PTPRK: variants seen among roughly 807,000 people sequenced by gnomAD.
PTPRK encodes protein tyrosine phosphatase receptor type K.
In PTPRK, 75 loss-of-function variants were observed where a neutral mutation model predicts 178.0. The ratio of observed to expected loss-of-function variants is 0.42; its 90% CI spans 0.35 to 0.51. The LOEUF (loss-of-function observed/expected upper bound fraction) is 0.51, where lower values mean the gene tolerates loss of function less well. Ranked by LOEUF, PTPRK falls within the 20% of genes least tolerant of loss-of-function variation. The pLI, the probability that PTPRK is intolerant of heterozygous loss-of-function variation, is 0.02. For missense variants in PTPRK, 1,441 were observed against 1,797.8 expected, an observed-to-expected ratio of 0.80 and a Z score of 3.59; for synonymous variants, 637 against 620.6, an observed-to-expected ratio of 1.03 and a Z score of -0.39.
intron 7 of PTPRK, among the ~76,000 whole-genome samples, chr6:128,176,532 A>G (rs897904051): frequency 6.6e-6 from 1 of 151,844 alleles, no homozygotes; most frequent in Non-Finnish European, 1.5e-5. Flanking sequence ...AGGGTGACAT[A>G]AAAGGCATGA....
chr6:128,438,610 G>GGGGAT (rs1845911561), intron 1 of PTPRK, among the ~76,000 whole-genome samples: 8 of 152,062 alleles, frequency 5.3e-5, no homozygotes, highest in Admixed American at 5.2e-4. Flanking sequence ...AAGAGCTGTT[G>GGGGAT]TGCACCTCAG....
At chr6:128,380,986 A>G (rs1257838140) in intron 2 of PTPRK, among the ~76,000 whole-genome samples, 1 of 152,186 alleles carries the variant, frequency 6.6e-6, no homozygotes. Flanking sequence ...AAACTCTATC[A>G]GACAGTTTTA....
chr6:128,366,461 T>C (rs1293168863), intron 2 of PTPRK, among the ~76,000 whole-genome samples: 1 of 152,116 alleles, frequency 6.6e-6, no homozygotes, highest in African/African-American at 2.4e-5. Flanking sequence ...CTTCTTATAC[T>C]AACAAAAACA....
At chr6:127,991,512 T>A (rs1776603344) in intron 19 of PTPRK, 121 bp from the exon 20 acceptor site, 1 of 571,874 alleles carries the variant, frequency 1.7e-6, no homozygotes, top group Non-Finnish European at 2.8e-6. Context: ...ACACAAAATG[T>A]CACTGAAAAT....
chr6:128,055,506 A>G (rs1779735578), intron 13 of PTPRK, among the ~76,000 whole-genome samples: 1 of 151,480 alleles, frequency 6.6e-6, no homozygotes, highest in Non-Finnish European at 1.5e-5. Context: ...TCATTTATAC[A>G]TTTTTTTTCT....
chr6:128,339,173 AG>A (rs1349043966), intron 2 of PTPRK, among the ~76,000 whole-genome samples: 1 of 152,174 alleles, frequency 6.6e-6, no homozygotes, highest in Non-Finnish European at 1.5e-5. Context: ...ACAGAGGACA[AG>A]GGAAATAAAA....
intron 3 of PTPRK, among the ~76,000 whole-genome samples, chr6:128,296,197 C>G (rs1324341837): frequency 6.6e-6 from 1 of 152,088 alleles, no homozygotes; most frequent in Non-Finnish European, 1.5e-5. Context: ...AACCCATGGA[C>G]AGGCATGCTT....
intron 1 of PTPRK, chr6:128,491,940 C>T (rs17460940): frequency 0.15 from 64,388 of 436,018 alleles, 5,630 homozygotes; most frequent in Non-Finnish European, 0.2. Context: ...AATTGATTCA[C>T]TACTGTTCAC....
At chr6:128,435,159 AGGCAGGCAGGCT>A (rs1845429629) in intron 1 of PTPRK, among the ~76,000 whole-genome samples, 1 of 150,704 alleles carries the variant, frequency 6.6e-6, no homozygotes, top group African/African-American at 2.5e-5. Context: ...GCAGGCAGGC[AGGCAGGCAGGCT>A]GGCTTAGATA....
intron 16 of PTPRK, 130 bp from the exon 17 acceptor site, chr6:127,997,118 G>C (rs1446958462): frequency 2.3e-6 from 2 of 875,126 alleles, no homozygotes; most frequent in East Asian, 5.6e-5. Context: ...TAGTAAACAA[G>C]TTTCATTCTC....
At chr6:128,150,071 T>C (rs1797041714) in intron 7 of PTPRK, among the ~76,000 whole-genome samples, 1 of 152,168 alleles carries the variant, frequency 6.6e-6, no homozygotes, top group Non-Finnish European at 1.5e-5. Flanking sequence ...CAATGTAGTC[T>C]TAAGACATTC....
chr6:128,512,798 T>C (rs1214316758), intron 1 of PTPRK, among the ~76,000 whole-genome samples: 2 of 152,242 alleles, frequency 1.3e-5, no homozygotes, highest in African/African-American at 4.8e-5. Context: ...TTATATTTAA[T>C]GCATTCTACC....
At chr6:128,451,622 AT>A (rs1435239650) in intron 1 of PTPRK, among the ~76,000 whole-genome samples, 1 of 151,912 alleles carries the variant, frequency 6.6e-6, no homozygotes, top group Non-Finnish European at 1.5e-5. Context: ...GCCTCGGTAA[AT>A]TTTTTTTGTT....
chr6:128,518,329 C>G (rs981205945), intron 1 of PTPRK, among the ~76,000 whole-genome samples: 2 of 152,160 alleles, frequency 1.3e-5, no homozygotes, highest in Admixed American at 1.3e-4. Flanking sequence ...TTGTACGTAT[C>G]TAAACTCCAG....
chr6:128,212,629 T>C (rs1446460654), intron 6 of PTPRK, among the ~76,000 whole-genome samples: 1 of 152,060 alleles, frequency 6.6e-6, no homozygotes, highest in Non-Finnish European at 1.5e-5. Flanking sequence ...TAATTATTAA[T>C]GATGCAAATG....
chr6:128,422,348 C>T lies in PTPRK; in HGVS notation c.101-24660G>A, dbSNP rs139629945. Among the ~76,000 whole-genome samples the T allele has an allele frequency of 2.2e-3, 336 of 151,956 alleles. 1 individual carries two copies. The highest frequency in any genetic ancestry group is 7.4e-3 in the African/African-American group (308 of 41,440). ...AGGAAACTCAATGGTCATACTACTGCATGGAGAAAAAGAAGAAAAAAAGCC... is the reference window on the plus strand; with the variant it reads ...AGGAAACTCAATGGTCATACTACTGTATGGAGAAAAAGAAGAAAAAAAGCC... On this transcript the variant is annotated intron_variant, in intron 1 of 29. Transcript: ENST00000368226.
At chr6:128,130,916 C>T (rs1187075260) in intron 7 of PTPRK, among the ~76,000 whole-genome samples, 1 of 152,194 alleles carries the variant, frequency 6.6e-6, no homozygotes, top group Non-Finnish European at 1.5e-5. Context: ...AGCTCCTCCA[C>T]TCCAGAATTA....
chr6:128,443,073 T>G (rs949119595), intron 1 of PTPRK, among the ~76,000 whole-genome samples: 1 of 151,156 alleles, frequency 6.6e-6, no homozygotes, highest in Non-Finnish European at 1.5e-5. Flanking sequence ...CATGATAACA[T>G]AGTACACTTC....
intron 29 of PTPRK, among the ~76,000 whole-genome samples, chr6:127,972,220 C>T (rs945856353): frequency 6.6e-6 from 1 of 152,200 alleles, no homozygotes; most frequent in Non-Finnish European, 1.5e-5. Flanking sequence ...TTCTAGTTAT[C>T]TGATCATCTT....
Sources: allele counts gnomAD v4.1 joint callset (sites outside exome capture counted in the v4.1 genomes callset), GRCh38; gene constraint gnomAD v4.1.1; transcripts MANE v1.5; gene names NCBI Gene and HGNC (gene_info 2026-07-23, HGNC 2026-07-21).